Variants in BTNL2 observed in about 807,000 individuals in gnomAD.
BTNL2 encodes the protein butyrophilin like 2, also known as butyrophilin-like protein 2.
A neutral mutation model predicts 46.8 loss-of-function variants in BTNL2; 46 were observed. The ratio of observed to expected loss-of-function variants is 0.98; its 90% confidence interval spans 0.78 to 1.26. The LOEUF (loss-of-function observed/expected upper bound fraction) is 1.26, where lower values mean the gene tolerates loss of function less well. BTNL2 is among the 50% of genes most tolerant of loss of function. BTNL2 has a pLI of 0.00. For synonymous variants in BTNL2, 226 were observed against 229.1 expected (o/e 0.99, Z 0.12); for missense variants, 461 against 592.6 (o/e 0.78, Z 2.31).
chr6:32,394,861 C>A lies in BTNL2; in HGVS notation c.1243G>T (p.Gly415Trp), dbSNP rs749715865. 3.7e-6 allele frequency: 6 copies of A among 1,614,232 alleles called. No homozygotes were observed. Among genetic ancestry groups the A allele is most frequent in the Non-Finnish European group, 5.1e-6 (6 of 1,180,046 alleles). Residue 415 changes from glycine to tryptophan, a missense_variant, in exon 6 of 8, where the codon GGG (glycine) becomes TGG (tryptophan). By Grantham distance (184) the Gly-to-Trp change is radical. Coordinates refer to ENST00000454136, the MANE Select transcript of BTNL2 (RefSeq NM_001304561.2). The surrounding 1 kb of genome is among the most constrained non-coding windows in gnomAD (Gnocchi z 4.6). ...AGCAATGTCTGCACGTGGAACAGCC[C>A]GTGGCTGCCTTGAGTCAGGGCCTGG... The part of the protein sequence containing the change: ...SSQALTQGSH[G>W]LFHVQTLLRV...
At position 32,393,939 on chromosome 6, in the gene BTNL2, G is replaced by A. The variant is rs1349113187; in HGVS notation, c.*6+24C>T. The stretch of plus-strand genomic sequence containing the variant: ...TACGGTTCCCACTGCAGTGTGCTCC[G>A]CTGTTTCTGTTTCCCTGACTTACCT... On this transcript the variant is annotated intron_variant, in intron 7 of 7. Transcript: ENST00000454136. This position sits in a 1 kb window ranked among gnomAD's most constrained non-coding sequence, Gnocchi z 4.8. The A allele has an allele frequency of 7.1e-6, 11 of 1,548,684 alleles. No individual in the cohort carries two copies. In the South Asian group the frequency reaches 7.2e-5, roughly 10 times the overall value.
At chr6:32,405,818 GT>G (rs1033552860) in intron 1 of BTNL2, among the ~76,000 whole-genome samples, 2 of 128,020 alleles carry the variant, frequency 1.6e-5, no homozygotes, top group Admixed American at 7.4e-5. Flanking sequence ...TTTTTTTTTT[GT>G]TTTTTTTTTG....
chr6:32,401,389 G>C (rs547652775), intron 4 of BTNL2, among the ~76,000 whole-genome samples: 1 of 152,128 alleles, frequency 6.6e-6, no homozygotes, highest in Admixed American at 6.5e-5. Context: ...TGCAACCCAG[G>C]TTGTCATAAT....
rs114484311 is a variant in BTNL2, at chr6:32,394,082, T to C, written c.1361-25A>G. 1 of 1,545,396 alleles carries C rather than the reference T, an allele frequency of 6.5e-7. No individual in the cohort carries two copies. The highest frequency in any genetic ancestry group is 2.4e-5 in the East Asian group (1 of 40,862). The stretch of plus-strand genomic sequence containing the variant: ...TCTAAAATGGAAACCCAAGAATCCC[T>C]TGAAACTGTGAAACTGGGACAATAT... On this transcript the variant is annotated intron_variant, in intron 6 of 7. Coordinates refer to ENST00000454136, the MANE Select transcript of BTNL2 (RefSeq NM_001304561.2). The surrounding 1 kb of genome is among the most constrained non-coding windows in gnomAD (Gnocchi z 4.6).
chr6:32,400,433 T>C (rs1367849854), intron 4 of BTNL2, among the ~76,000 whole-genome samples: 12 of 152,176 alleles, frequency 7.9e-5, no homozygotes, highest in African/African-American at 2.9e-4. Context: ...CCACGTTCTA[T>C]GCACCTAGGC....
In BTNL2 at chr6:32,400,760, A is replaced by AAAACAAAAAAAAC. The variant is rs1390075841; in HGVS notation, c.730+1024_730+1025insGTTTTTTTTGTTT. Among the ~76,000 whole-genome samples the AAAACAAAAAAAAC allele has an allele frequency of 1.5e-3, 170 of 115,904 alleles. 7 individuals are homozygous for AAAACAAAAAAAAC. Among genetic ancestry groups the AAAACAAAAAAAAC allele is most frequent in the South Asian group, 7.3e-3 (29 of 3,952 alleles). The allele number at this position is 115,904 out of a possible 152,430, so 76.0% of individuals were successfully genotyped here. On this transcript the variant is annotated intron_variant, in intron 4 of 7. Coordinates refer to ENST00000454136, the MANE Select transcript of BTNL2 (RefSeq NM_001304561.2). The stretch of plus-strand genomic sequence containing the variant: ...CCGTCTCTACTAAAAAAAAAAAAAA[A>AAAACAAAAAAAAC]AAATTAGCTGGGTGTGGTGGCGCAT...
chr6:32,405,508 T>A, intron 1 of BTNL2: 1 of 623,692 alleles, frequency 1.6e-6, no homozygotes, highest in Non-Finnish European at 2.9e-6. Context: ...GTGAGGTTGC[T>A]GTCTGTCACC....
At chr6:32,402,458 A>AT (rs1776843517) in intron 3 of BTNL2, among the ~76,000 whole-genome samples, 1 of 152,024 alleles carries the variant, frequency 6.6e-6, no homozygotes, top group Admixed American at 6.6e-5. Flanking sequence ...TATTAATGCT[A>AT]TAATGTATAG....
At chr6:32,405,977 T>C (rs2150324951) in intron 1 of BTNL2, 1 of 154,380 alleles carries the variant, frequency 6.5e-6, no homozygotes, top group Middle Eastern at 3.4e-3. Context: ...AAGACATGTC[T>C]GATCTCTTCC....
In BTNL2 at chr6:32,394,324, G is replaced by T. The variant is rs1183886122; in HGVS notation, c.1361-267C>A. Among the ~76,000 whole-genome samples the T allele has an allele frequency of 6.6e-6, 1 of 152,172 alleles. No homozygotes were observed. The highest frequency in any genetic ancestry group is 1.5e-5 in the Non-Finnish European group (1 of 68,038). On this transcript the variant is annotated intron_variant, in intron 6 of 7. Transcript: ENST00000454136. The surrounding 1 kb of genome is among the most constrained non-coding windows in gnomAD (Gnocchi z 4.6). ...TCACACAATCACTGGAATGACTTGA[G>T]GAGGAAAGGATAAAATTACTCAAGC...
rs146634932 is a variant in BTNL2, at chr6:32,399,611, T to A, written c.730+2174A>T. 5.3e-3 allele frequency among the ~76,000 whole-genome samples: 811 copies of A among 152,272 alleles called. 9 individuals carry two copies. The highest frequency in any genetic ancestry group is 0.018 in the African/African-American group (766 of 41,550). ...ATAGATGTAGATTAGAAGGTAAACA[T>A]CACCATTTCTTCCTGATTTTTGGCA... On this transcript the variant is annotated intron_variant, in intron 4 of 7. Transcript: ENST00000454136. The surrounding 1 kb of genome is among the most constrained non-coding windows in gnomAD (Gnocchi z 5.2).
intron 4 of BTNL2, among the ~76,000 whole-genome samples, chr6:32,400,756 A>AAAACAAAAC (rs1776710097): frequency 4.3e-5 from 6 of 140,256 alleles, no homozygotes; most frequent in Non-Finnish European, 3.1e-5. Flanking sequence ...AAAAAAAAAA[A>AAAACAAAAC]AAAAAAATTA....
rs1446584494 is a variant in BTNL2 at position 32,399,757 on chromosome 6, C to T, written c.730+2028G>A. ...ATAACATATTCAGCATCGTGCCTGG[C>T]ATACAATTAATATTTTTAAAAACTA... is the stretch of plus-strand genomic sequence containing the variant. On this transcript the variant is annotated intron_variant, in intron 4 of 7. Transcript: ENST00000454136. The surrounding 1 kb of genome is among the most constrained non-coding windows in gnomAD (Gnocchi z 5.2). 6.6e-6 allele frequency among the ~76,000 whole-genome samples: 1 copy of T among 152,120 alleles called. No individual in the cohort carries two copies. The highest frequency in any genetic ancestry group is 1.5e-5 in the Non-Finnish European group (1 of 68,018).
chr6:32,406,987 A>T, intron 1 of BTNL2, 58 bp downstream of exon 1: 1 of 1,517,090 alleles, frequency 6.6e-7, no homozygotes, highest in Non-Finnish European at 9.1e-7. Flanking sequence ...CGACCTTTGG[A>T]CCCAGACTAG....
Position 32,399,808 on chromosome 6 carries a change from T to A in BTNL2, c.730+1977A>T, listed in dbSNP as rs1235165071. Among the ~76,000 whole-genome samples the A allele has an allele frequency of 6.6e-6, 1 of 152,218 alleles. No homozygotes were observed. The highest frequency in any genetic ancestry group is 1.5e-5 in the Non-Finnish European group (1 of 68,046). ...TTATTTTTATAAATGAAAAACATTA[T>A]TTGTAAGACTACAAGCAGTGATTTC... On this transcript the variant is annotated intron_variant, in intron 4 of 7. Coordinates refer to ENST00000454136, the MANE Select transcript of BTNL2 (RefSeq NM_001304561.2). This position sits in a 1 kb window ranked among gnomAD's most constrained non-coding sequence, Gnocchi z 5.2.
chr6:32,396,159 C>T lies in BTNL2; in HGVS notation c.958G>A (p.Asp320Asn). 1.2e-6 allele frequency: 2 copies of T among 1,613,126 alleles called. No individual in the cohort carries two copies. Among genetic ancestry groups the T allele is most frequent in the South Asian group, 1.1e-5 (1 of 91,090 alleles). Reference sequence around the variant, plus strand: ...ATCTGCAGGGTCAGTCTGCCCTCGTCAATGGCGTCACTCACCAGTACAGTC... The same window carrying T: ...ATCTGCAGGGTCAGTCTGCCCTCGTTAATGGCGTCACTCACCAGTACAGTC... The part of the protein sequence containing the change: ...GRTVLVSDAI[D>N]EGRLTLQILS... The change falls in exon 5 of 8, where the codon GAC becomes AAC. Residue 320 changes from aspartate (D) to asparagine (N), a missense_variant. Coordinates refer to ENST00000454136, the MANE Select transcript of BTNL2 (RefSeq NM_001304561.2). The surrounding 1 kb of genome is among the most constrained non-coding windows in gnomAD (Gnocchi z 4.4).
rs1340641052 is a variant in BTNL2, at chr6:32,407,068, A to T, written c.56T>A (p.Ile19Asn). Reference protein sequence around the residue: ...LSGAVASFLFILLTMKQSEDF... With the variant: ...LSGAVASFLFNLLTMKQSEDF... Reference sequence around the variant, plus strand: ...ACCTGACTGCTTCATTGTCAGCAGGATGAATAGGAAGGAGGCGACTGCACC... The same window carrying T: ...ACCTGACTGCTTCATTGTCAGCAGGTTGAATAGGAAGGAGGCGACTGCACC... The change falls in exon 1 of 8, where the codon ATC becomes AAC. Residue 19 changes from isoleucine to asparagine, a missense_variant. Physicochemically the swap from Ile to Asn is moderately radical, Grantham distance 149. Coordinates refer to ENST00000454136, the MANE Select transcript of BTNL2 (RefSeq NM_001304561.2). 1.9e-6 allele frequency: 3 copies of T among 1,612,872 alleles called. No individual in the cohort carries two copies. In the African/African-American group the frequency reaches 4.0e-5, roughly 22 times the overall value.
chr6:32,400,760 A>ACAAAACAAAAAAAC (rs1554223850), intron 4 of BTNL2, among the ~76,000 whole-genome samples: 2 of 115,838 alleles, frequency 1.7e-5, no homozygotes, highest in Non-Finnish European at 3.8e-5. Flanking sequence ...AAAAAAAAAA[A>ACAAAACAAAAAAAC]AAATTAGCTG....
chr6:32,397,779 G>A (rs1301465419), intron 4 of BTNL2, among the ~76,000 whole-genome samples: 1 of 152,178 alleles, frequency 6.6e-6, no homozygotes, highest in African/African-American at 2.4e-5. Context: ...CCTCTGACGT[G>A]GTAATAGGGA....
Sources: allele counts gnomAD v4.1 joint callset (sites outside exome capture counted in the v4.1 genomes callset), GRCh38; gene constraint gnomAD v4.1.1; non-coding constraint Gnocchi (gnomAD v3.1); transcripts MANE v1.5; gene names NCBI Gene and HGNC (gene_info 2026-07-23, HGNC 2026-07-21).